The following MICU1 variants were observed in gnomAD, a reference collection of about 807,000 sequenced individuals.
The protein encoded by MICU1 is mitochondrial calcium uptake 1.
MICU1 carries 45 observed loss-of-function variants against 56.8 expected under a neutral mutation model. The observed-to-expected ratio is 0.79, with a 90% CI of 0.62 to 1.02. The LOEUF is 1.02. Ranked by LOEUF, MICU1 falls within the 50% of genes least tolerant of loss-of-function variation. The pLI is 0.00. For missense variants in MICU1, 504 were observed against 587.1 expected, an observed-to-expected ratio of 0.86 and a Z score of 1.46; for synonymous variants, 186 against 195.1, an observed-to-expected ratio of 0.95 and a Z score of 0.39.
At chr10:72,458,342 C>T (rs1198538663) in intron 8 of MICU1, among the ~76,000 whole-genome samples, 1 of 152,116 alleles carries the variant, frequency 6.6e-6, no homozygotes, top group African/African-American at 2.4e-5. Flanking sequence ...AAGGAAACTA[C>T]TTTAGGTTCT....
intron 1 of MICU1, among the ~76,000 whole-genome samples, chr10:72,624,875 A>G (rs943454891): frequency 2.0e-5 from 3 of 152,220 alleles, no homozygotes; most frequent in Admixed American, 1.3e-4. Flanking sequence ...AGTTTTTAGG[A>G]TAAGGCAATA....
chr10:72,612,745 G>C (rs773486823), intron 1 of MICU1, among the ~76,000 whole-genome samples: 2 of 151,634 alleles, frequency 1.3e-5, no homozygotes, highest in Non-Finnish European at 2.9e-5. Flanking sequence ...AAGCTGCAGT[G>C]AACTATGATT....
At chr10:72,615,713 C>T (rs1481960039) in intron 1 of MICU1, among the ~76,000 whole-genome samples, 4 of 152,100 alleles carry the variant, frequency 2.6e-5, no homozygotes, top group East Asian at 1.9e-4. Context: ...CTTGGCCAGG[C>T]GCGGTGGCTC....
chr10:72,466,067 C>T (rs1034842400), intron 8 of MICU1, among the ~76,000 whole-genome samples: 3 of 152,128 alleles, frequency 2.0e-5, no homozygotes, highest in African/African-American at 4.8e-5. Flanking sequence ...TACAGCTTCT[C>T]TCTGGCACAT....
chr10:72,590,767 C>T (rs1330111733), intron 1 of MICU1, among the ~76,000 whole-genome samples: 9 of 151,396 alleles, frequency 5.9e-5, no homozygotes, highest in South Asian at 4.2e-4. Flanking sequence ...GAGCTGAGAT[C>T]GCGCCACTGC....
chr10:72,444,296 G>A (rs558864874), intron 8 of MICU1, among the ~76,000 whole-genome samples: 26 of 151,898 alleles, frequency 1.7e-4, no homozygotes, highest in South Asian at 1.0e-3. Context: ...TGGGTGCAGC[G>A]TACCAGCATG....
At chr10:72,547,750 G>C (rs1422328280) in intron 4 of MICU1, among the ~76,000 whole-genome samples, 1 of 152,140 alleles carries the variant, frequency 6.6e-6, no homozygotes, top group African/African-American at 2.4e-5. Context: ...CAGAATGTGG[G>C]AAATTCTATA....
intron 5 of MICU1, 69 bp from the exon 6 acceptor site, chr10:72,508,338 A>G (rs1867329941): frequency 1.7e-6 from 1 of 601,576 alleles, no homozygotes; most frequent in African/African-American, 1.8e-5. Context: ...ATAGTAAGAG[A>G]TGAATCACCA....
intron 6 of MICU1, among the ~76,000 whole-genome samples, chr10:72,487,621 A>T (rs553109902): frequency 6.6e-6 from 1 of 152,204 alleles, no homozygotes; most frequent in Non-Finnish European, 1.5e-5. Context: ...GCCAAAGGAG[A>T]TGTTATCTCT....
chr10:72,454,782 CA>C (rs10591892), intron 8 of MICU1, among the ~76,000 whole-genome samples: 2,061 of 118,900 alleles, frequency 0.017, 23 homozygotes, highest in Non-Finnish European at 0.025. Context: ...AACTCCATCT[CA>C]AAAAAAAAAA....
intron 10 of MICU1, among the ~76,000 whole-genome samples, chr10:72,407,451 CA>C (rs539792889): frequency 6.6e-6 from 1 of 152,250 alleles, no homozygotes; most frequent in Non-Finnish European, 1.5e-5. Flanking sequence ...GTTGCTTGTA[CA>C]AACTGTAACT....
At chr10:72,418,991 T>C (rs888630511) in intron 9 of MICU1, among the ~76,000 whole-genome samples, 9 of 152,198 alleles carry the variant, frequency 5.9e-5, no homozygotes, top group African/African-American at 2.2e-4. Context: ...TCTGACAAAA[T>C]TTGTCCTTTC....
chr10:72,403,371 T>G (rs900565800), intron 10 of MICU1, among the ~76,000 whole-genome samples: 7 of 152,048 alleles, frequency 4.6e-5, no homozygotes, highest in African/African-American at 7.2e-5. Flanking sequence ...AAAAAATTTT[T>G]TTTTAATTTG....
At chr10:72,531,751 GAA>G (rs1182603345) in intron 5 of MICU1, 1 of 151,556 alleles carries the variant, frequency 6.6e-6, no homozygotes, top group Non-Finnish European at 1.5e-5. Context: ...AAAGAAAAAT[GAA>G]AAGACTGACA....
intron 5 of MICU1, among the ~76,000 whole-genome samples, chr10:72,528,323 A>G (rs944230915): frequency 3.9e-5 from 6 of 152,234 alleles, no homozygotes; most frequent in African/African-American, 1.4e-4. Context: ...ATTTCCCTAT[A>G]TAAAGAAAAA....
At chr10:72,542,011 T>G (rs1327282504) in intron 4 of MICU1, among the ~76,000 whole-genome samples, 1 of 152,158 alleles carries the variant, frequency 6.6e-6, no homozygotes, top group Non-Finnish European at 1.5e-5. Context: ...CTTATAAAAC[T>G]TATACAAAAG....
chr10:72,479,560 G>T (rs977873983), intron 6 of MICU1, among the ~76,000 whole-genome samples: 1 of 152,174 alleles, frequency 6.6e-6, no homozygotes, highest in African/African-American at 2.4e-5. Flanking sequence ...ACAGGGTCTT[G>T]TTCTGTCATC....
intron 4 of MICU1, among the ~76,000 whole-genome samples, chr10:72,546,185 C>T (rs1041718884): frequency 6.6e-6 from 1 of 152,120 alleles, no homozygotes; most frequent in Non-Finnish European, 1.5e-5. Context: ...TTTGTCTGAG[C>T]AAATGATGAC....
At chr10:72,487,438 T>C (rs966172197) in intron 6 of MICU1, among the ~76,000 whole-genome samples, 1 of 152,170 alleles carries the variant, frequency 6.6e-6, no homozygotes, top group Non-Finnish European at 1.5e-5. Context: ...CAAATAACTG[T>C]AACCACAGAT....
Sources: allele counts gnomAD v4.1 joint callset (sites outside exome capture counted in the v4.1 genomes callset), GRCh38; gene constraint gnomAD v4.1.1; transcripts MANE v1.5; gene names NCBI Gene and HGNC (gene_info 2026-07-23, HGNC 2026-07-21).